The following DTNA variants were observed in gnomAD, a reference collection of about 807,000 sequenced individuals.
DTNA encodes the protein dystrobrevin alpha.
A neutral mutation model predicts 100.7 loss-of-function variants in DTNA; 43 were observed. That is an observed-to-expected ratio of 0.43 (90% confidence interval 0.33 to 0.55). The LOEUF (loss-of-function observed/expected upper bound fraction) is 0.55, where lower values mean the gene tolerates loss of function less well. Ranked by LOEUF, DTNA falls within the 20% of genes least tolerant of loss-of-function variation. The pLI is 0.04. For synonymous variants in DTNA, 349 were observed against 347.9 expected (o/e 1.00, Z -0.04); for missense variants, 798 against 953.9 (o/e 0.84, Z 2.15).
At chr18:34,815,695 G>C (rs989299121) in intron 6 of DTNA, 2 of 518,350 alleles carry the variant, frequency 3.9e-6, no homozygotes, top group Admixed American at 6.3e-5. Flanking sequence ...CCTCAGTGGA[G>C]AGAATTCAGT....
At chr18:34,537,959 A>G (rs879654566) in intron 1 of DTNA, among the ~76,000 whole-genome samples, 3 of 152,044 alleles carry the variant, frequency 2.0e-5, no homozygotes, top group Admixed American at 2.0e-4. Context: ...AAAATGATAG[A>G]TAGGGAAAGG....
At position 34,890,498 on chromosome 18, in the gene DTNA, G is replaced by A. The variant is rs2096959735; in HGVS notation, c.*2764G>A. 6.5e-7 allele frequency: 1 copy of A among 1,531,590 alleles called. No homozygotes were observed. Among genetic ancestry groups the A allele is most frequent in the Non-Finnish European group, 8.7e-7 (1 of 1,144,028 alleles). The allele number at this position is 1,531,590 out of a possible 1,614,324, so 94.9% of individuals were successfully genotyped here. Reference sequence around the variant, plus strand: ...CATTAGATACAACTACATCTTGCGGGGGTTGTTTCTTTCTTGTTCCACAAT... The same window carrying A: ...CATTAGATACAACTACATCTTGCGGAGGTTGTTTCTTTCTTGTTCCACAAT... On this transcript the variant is annotated 3_prime_UTR_variant, in exon 23 of 23. Transcript: ENST00000444659.
intron 9 of DTNA, chr18:34,825,312 A>T: frequency 6.2e-7 from 1 of 1,612,760 alleles, no homozygotes; most frequent in South Asian, 1.1e-5. Flanking sequence ...ACTTACAAAG[A>T]TGTATAATCA....
At chr18:34,751,703 A>G (rs1173056820) in intron 1 of DTNA, among the ~76,000 whole-genome samples, 1 of 152,122 alleles carries the variant, frequency 6.6e-6, no homozygotes, top group Non-Finnish European at 1.5e-5. Context: ...GTCCCTCTTT[A>G]TTTGATCCTA....
At chr18:34,595,470 G>A (rs536560353) in intron 1 of DTNA, among the ~76,000 whole-genome samples, 1 of 151,922 alleles carries the variant, frequency 6.6e-6, no homozygotes, top group Non-Finnish European at 1.5e-5. Flanking sequence ...GACAGAAAAA[G>A]AGACAAATAT....
At chr18:34,622,318 T>C (rs1335957211) in intron 1 of DTNA, among the ~76,000 whole-genome samples, 1 of 152,186 alleles carries the variant, frequency 6.6e-6, no homozygotes, top group Non-Finnish European at 1.5e-5. Flanking sequence ...AAGCCCCCTA[T>C]ACGTATAACT....
intron 1 of DTNA, among the ~76,000 whole-genome samples, chr18:34,716,726 A>G (rs1199363687): frequency 1.3e-5 from 2 of 152,216 alleles, no homozygotes; most frequent in Non-Finnish European, 2.9e-5. Context: ...CATGCTACTA[A>G]CTAGCTGAGT....
In DTNA at chr18:34,557,828, C is replaced by T. The variant is rs539648810; in HGVS notation, c.-2+64314C>T. ...AGGTTACTGCTGCCTTTTTGTTTGT[C>T]TGTGCCCTGCCCCCAGAGGTGGAGC... On this transcript the variant is annotated intron_variant, in intron 1 of 19. Coordinates refer to the DTNA transcript ENST00000283365. 6.5e-3 allele frequency among the ~76,000 whole-genome samples: 984 copies of T among 152,318 alleles called. 1 individual carries two copies. The highest frequency in any genetic ancestry group is 0.01 in the Non-Finnish European group (691 of 68,024).
At chr18:34,726,124 C>A (rs1051549020) in intron 1 of DTNA, among the ~76,000 whole-genome samples, 4 of 152,062 alleles carry the variant, frequency 2.6e-5, no homozygotes, top group Admixed American at 2.6e-4. Context: ...GGAGGGATAG[C>A]ATTAGGAGAA....
chr18:34,795,700 T>G (rs1333226554), intron 4 of DTNA, among the ~76,000 whole-genome samples: 1 of 152,108 alleles, frequency 6.6e-6, no homozygotes, highest in Non-Finnish European at 1.5e-5. Flanking sequence ...AAATATAATA[T>G]CTCACTAAAT....
At chr18:34,768,429 C>T (rs2093603005) in intron 3 of DTNA, among the ~76,000 whole-genome samples, 1 of 142,012 alleles carries the variant, frequency 7.0e-6, no homozygotes, top group Admixed American at 6.7e-5. Context: ...AAGGTGGACA[C>T]ACTGTGTTGT....
intron 9 of DTNA, among the ~76,000 whole-genome samples, chr18:34,826,466 C>T (rs908012402): frequency 2.6e-5 from 4 of 152,134 alleles, no homozygotes; most frequent in Admixed American, 2.6e-4. Flanking sequence ...CCATTCAATA[C>T]ATTGGGATAT....
At chr18:34,820,180 A>C (rs544810438) in intron 8 of DTNA, among the ~76,000 whole-genome samples, 4 of 152,062 alleles carry the variant, frequency 2.6e-5, no homozygotes, top group African/African-American at 9.6e-5. Context: ...TTCCATTTTC[A>C]CTTCTAACTG....
rs144256239 is a variant in DTNA, at chr18:34,871,998, C to A, written c.1744-3241C>A. ...ATGAAATTGCACCAATTAGAGATTC[C>A]TTTGGGAAATGGTGGCTATTCATCA... On this transcript the variant is annotated intron_variant, in intron 17 of 22. Transcript: ENST00000444659. 1.5e-3 allele frequency among the ~76,000 whole-genome samples: 221 copies of A among 152,314 alleles called. 5 individuals carry two copies. The highest frequency in any genetic ancestry group is 0.013 in the Admixed American group (206 of 15,298).
chr18:34,806,542 C>A lies in DTNA; in HGVS notation c.448+238C>A, dbSNP rs9963765. On this transcript the variant is annotated intron_variant, in intron 5 of 22. Coordinates refer to ENST00000444659, the MANE Select transcript of DTNA (RefSeq NM_001386795.1). ...TAACCTGTTGAGTATCACCAACTGG[C>A]CTCTTTCTGAAATTAAAGTAAAATA... Among the ~76,000 whole-genome samples, 7,704 of 152,252 alleles carry A rather than the reference C, an allele frequency of 0.051. 668 individuals are homozygous for A. The highest frequency in any genetic ancestry group is 0.18 in the African/African-American group (7,268 of 41,522).
At chr18:34,652,661 G>A (rs140255681) in intron 1 of DTNA, among the ~76,000 whole-genome samples, 1 of 152,120 alleles carries the variant, frequency 6.6e-6, no homozygotes, top group African/African-American at 2.4e-5. Flanking sequence ...TTCTGTGAAG[G>A]TCCCCAGATG....
At chr18:34,866,738 G>A (rs886053775) in intron 17 of DTNA, 32 of 989,416 alleles carry the variant, frequency 3.2e-5, no homozygotes, top group Non-Finnish European at 3.6e-5. Context: ...GACTATTCAC[G>A]TCCCATCTTT....
chr18:34,582,117 C>T (rs943978354), intron 1 of DTNA, among the ~76,000 whole-genome samples: 1 of 151,892 alleles, frequency 6.6e-6, no homozygotes, highest in African/African-American at 2.4e-5. Flanking sequence ...TGTGGCTGCT[C>T]AGAGAGAGAG....
intron 1 of DTNA, among the ~76,000 whole-genome samples, chr18:34,601,012 T>A (rs1335407791): frequency 6.6e-6 from 1 of 152,216 alleles, no homozygotes; most frequent in East Asian, 1.9e-4. Context: ...ATCCTACCAT[T>A]GGCCTAGAAC....
Sources: allele counts gnomAD v4.1 joint callset (sites outside exome capture counted in the v4.1 genomes callset), GRCh38; gene constraint gnomAD v4.1.1; transcripts MANE v1.5; gene names NCBI Gene and HGNC (gene_info 2026-07-23, HGNC 2026-07-21).